Variants in CACNA2D3 observed in about 807,000 individuals in gnomAD.
The protein encoded by CACNA2D3 is calcium voltage-gated channel auxiliary subunit alpha2delta 3.
A neutral mutation model predicts 160.6 loss-of-function variants in CACNA2D3; 60 were observed. The ratio of observed to expected loss-of-function variants is 0.37; its 90% confidence interval spans 0.30 to 0.46. CACNA2D3 has a LOEUF of 0.46. Ranked by LOEUF, CACNA2D3 falls within the 20% of genes least tolerant of loss-of-function variation. The pLI is 1.00. For synonymous variants in CACNA2D3, 558 were observed against 492.9 expected (o/e 1.13, Z -1.75); for missense variants, 1,205 against 1,365.0 (o/e 0.88, Z 1.85).
At position 54,830,109 on chromosome 3, in the gene CACNA2D3, A is replaced by G. The variant is rs1703841209; in HGVS notation, c.1399-7050A>G. Among the ~76,000 whole-genome samples, 3 of 151,352 alleles carry G rather than the reference A, an allele frequency of 2.0e-5. No homozygotes were observed. In the South Asian group the frequency reaches 6.3e-4, roughly 32 times the overall value. ...CAGGCACCCATCACCACGCCTGGCT[A>G]ATTTTTTGTATTTTTAGTAGAGACG... is the stretch of plus-strand genomic sequence containing the variant. On this transcript the variant is annotated intron_variant, in intron 14 of 37. Transcript: ENST00000474759.
chr3:54,753,942 C>T (rs538725629), intron 12 of CACNA2D3, among the ~76,000 whole-genome samples: 1 of 152,282 alleles, frequency 6.6e-6, no homozygotes, highest in African/African-American at 2.4e-5. Context: ...TAACTATAGT[C>T]ACCATGTTAT....
chr3:54,749,182 G>A (rs1701811507), intron 11 of CACNA2D3, among the ~76,000 whole-genome samples: 1 of 152,064 alleles, frequency 6.6e-6, no homozygotes, highest in African/African-American at 2.4e-5. Flanking sequence ...AAAAGTATGA[G>A]GCCACTTTTA....
intron 31 of CACNA2D3, among the ~76,000 whole-genome samples, chr3:54,993,585 A>G (rs1398749079): frequency 6.6e-6 from 1 of 152,078 alleles, no homozygotes; most frequent in Non-Finnish European, 1.5e-5. Context: ...AAAGAAAGAA[A>G]TCTTTACTGA....
intron 31 of CACNA2D3, among the ~76,000 whole-genome samples, chr3:55,002,837 A>C: frequency 6.6e-6 from 1 of 152,150 alleles, no homozygotes; most frequent in Non-Finnish European, 1.5e-5. Context: ...TCTGCTTGGT[A>C]CCCACAGACG....
At chr3:54,566,722 G>A (rs1000296945) in intron 6 of CACNA2D3, among the ~76,000 whole-genome samples, 10 of 152,188 alleles carry the variant, frequency 6.6e-5, no homozygotes, top group African/African-American at 2.4e-4. Context: ...GCCGTACGCA[G>A]GGGAGTTTGT....
At chr3:54,329,250 A>G (rs902824990) in intron 3 of CACNA2D3, among the ~76,000 whole-genome samples, 5 of 152,056 alleles carry the variant, frequency 3.3e-5, no homozygotes, top group Admixed American at 1.3e-4. Context: ...TCTTGTCCCA[A>G]CTTGCCTTTA....
chr3:54,548,445 C>A (rs536336296), intron 5 of CACNA2D3, among the ~76,000 whole-genome samples: 4 of 152,148 alleles, frequency 2.6e-5, no homozygotes, highest in Admixed American at 6.5e-5. Flanking sequence ...AGCAAGAGAT[C>A]AAGATTTCTT....
chr3:54,263,626 T>C (rs113441004), intron 2 of CACNA2D3, among the ~76,000 whole-genome samples: 5 of 152,328 alleles, frequency 3.3e-5, no homozygotes, highest in African/African-American at 1.2e-4. Context: ...GTGTGACAGA[T>C]GTGTGATTCA....
At chr3:54,967,703 G>GT (rs1702183060) in intron 27 of CACNA2D3, among the ~76,000 whole-genome samples, 1 of 152,136 alleles carries the variant, frequency 6.6e-6, no homozygotes, top group African/African-American at 2.4e-5. Flanking sequence ...GGTCTTTCAA[G>GT]TGGTTTGGGC....
At chr3:54,946,025 C>T (rs1413774259) in intron 27 of CACNA2D3, among the ~76,000 whole-genome samples, 1 of 152,166 alleles carries the variant, frequency 6.6e-6, no homozygotes, top group Admixed American at 6.5e-5. Flanking sequence ...AAACGAGTAC[C>T]CTGCCTCATT....
chr3:54,251,927 A>T (rs1702195728), intron 2 of CACNA2D3, among the ~76,000 whole-genome samples: 1 of 152,112 alleles, frequency 6.6e-6, no homozygotes. Flanking sequence ...CTGGTGTTTT[A>T]CTGTTCCAGC....
At chr3:54,814,098 G>A (rs185416174) in intron 13 of CACNA2D3, among the ~76,000 whole-genome samples, 23 of 151,994 alleles carry the variant, frequency 1.5e-4, no homozygotes, top group Admixed American at 1.4e-3. Flanking sequence ...CAAACTCCTG[G>A]ACTCAAGCAA....
intron 4 of CACNA2D3, among the ~76,000 whole-genome samples, chr3:54,496,812 A>G (rs996465959): frequency 1.3e-5 from 2 of 152,130 alleles, no homozygotes; most frequent in Non-Finnish European, 2.9e-5. Context: ...TATGTGTATG[A>G]TGTGAGTTAG....
intron 34 of CACNA2D3, among the ~76,000 whole-genome samples, chr3:55,015,813 A>ATTTC (rs1703315428): frequency 3.3e-5 from 5 of 152,084 alleles, no homozygotes; most frequent in Admixed American, 2.6e-4. Flanking sequence ...GGTGTTAGAA[A>ATTTC]CTCCCTGCTA....
intron 3 of CACNA2D3, among the ~76,000 whole-genome samples, chr3:54,346,806 T>C (rs1438750967): frequency 6.6e-6 from 1 of 152,210 alleles, no homozygotes; most frequent in Non-Finnish European, 1.5e-5. Flanking sequence ...CAGAATAGTT[T>C]GACTGCCCTA....
At position 54,838,549 on chromosome 3, in the gene CACNA2D3, C is replaced by T; in HGVS notation, c.1471-19C>T. On this transcript the variant is annotated intron_variant, in intron 15 of 37. Transcript: ENST00000474759. ...AAGTTAACTTACTGTTATTATAATT[C>T]AATGTTTATTTTCGACAGAGATCGA... is the stretch of plus-strand genomic sequence containing the variant. The T allele has an allele frequency of 6.3e-7, 1 of 1,588,794 alleles. No homozygotes were observed. Among genetic ancestry groups the T allele is most frequent in the Non-Finnish European group, 8.6e-7 (1 of 1,156,932 alleles).
chr3:55,058,810 A>ATT (rs1704430260), intron 35 of CACNA2D3, among the ~76,000 whole-genome samples: 1 of 152,186 alleles, frequency 6.6e-6, no homozygotes, highest in African/African-American at 2.4e-5. Context: ...CTGAGGCCAA[A>ATT]TGGCCTGGGT....
chr3:54,320,508 C>T lies in CACNA2D3; in HGVS notation c.271C>T (p.Leu91=). The change falls in exon 3 of 38, where the codon CTG becomes TTG. Residue 91 remains leucine, a synonymous_variant. Coordinates refer to ENST00000474759, the MANE Select transcript of CACNA2D3 (RefSeq NM_018398.3). ...EIDGLQLVKK[L]AKNMEEMFHK... is the part of the protein sequence containing the mutation. ...TGATGGCCTCCAACTGGTAAAGAAG[C>T]TGGCAAAGAACATGGAAGAGATGTT... 5 of 1,569,744 alleles carry T rather than the reference C, an allele frequency of 3.2e-6. No individual in the cohort carries two copies. The highest frequency in any genetic ancestry group is 4.3e-6 in the Non-Finnish European group (5 of 1,156,748).
chr3:54,358,041 T>A (rs1698679374), intron 3 of CACNA2D3, among the ~76,000 whole-genome samples: 1 of 152,248 alleles, frequency 6.6e-6, no homozygotes, highest in Non-Finnish European at 1.5e-5. Context: ...AGCCCTAATG[T>A]AAACTATGGG....
Sources: gnomAD v4.1 joint callset for allele counts (sites outside exome capture counted in the v4.1 genomes callset) on GRCh38, gnomAD v4.1.1 for gene constraint, MANE v1.5 for transcripts, NCBI Gene and HGNC (gene_info 2026-07-23, HGNC 2026-07-21) for gene names.